Variants in USP32 observed in about 807,000 individuals in gnomAD.
The protein encoded by USP32 is ubiquitin specific peptidase 32.
A neutral mutation model predicts 204.8 loss-of-function variants in USP32; 59 were observed. The observed-to-expected ratio is 0.29, with a 90% CI of 0.23 to 0.36. USP32 has a LOEUF of 0.36. USP32 is among the 10% of genes least tolerant of loss of function. The pLI, the probability that USP32 is intolerant of heterozygous loss-of-function variation, is 1.00. For synonymous variants in USP32, 517 were observed against 678.4 expected, an observed-to-expected ratio of 0.76 and a Z score of 3.70; for missense variants, 1,160 against 1,946.4, an observed-to-expected ratio of 0.60 and a Z score of 7.60.
chr17:60,192,551 C>CA (rs2084412791), intron 28 of USP32, among the ~76,000 whole-genome samples: 1 of 152,118 alleles, frequency 6.6e-6, no homozygotes, highest in Non-Finnish European at 1.5e-5. Context: ...TCTCCTGCCT[C>CA]AGTCTCCCAA....
chr17:60,259,295 C>T (rs573644014), intron 9 of USP32, among the ~76,000 whole-genome samples: 6 of 152,116 alleles, frequency 3.9e-5, no homozygotes, highest in Non-Finnish European at 7.3e-5. Flanking sequence ...GAAGAAGTCA[C>T]TATTTTTCAC....
intron 11 of USP32, among the ~76,000 whole-genome samples, chr17:60,248,196 A>G (rs1459006419): frequency 2.6e-5 from 4 of 152,268 alleles, no homozygotes; most frequent in Non-Finnish European, 2.9e-5. Context: ...ACTTTCTCAT[A>G]TCACTGCACA....
intron 26 of USP32, among the ~76,000 whole-genome samples, chr17:60,198,777 G>C (rs1381351203): frequency 6.6e-6 from 1 of 152,182 alleles, no homozygotes; most frequent in Admixed American, 6.5e-5. Context: ...TAGCTTCATA[G>C]CTAAGGGCTT....
At chr17:60,381,643 T>C (rs895494794) in intron 1 of USP32, among the ~76,000 whole-genome samples, 1 of 152,200 alleles carries the variant, frequency 6.6e-6, no homozygotes. Context: ...GTAGTTTCTA[T>C]GATTTGGTCC....
chr17:60,289,549 A>G (rs1053193891), intron 4 of USP32, among the ~76,000 whole-genome samples: 1 of 152,220 alleles, frequency 6.6e-6, no homozygotes, highest in African/African-American at 2.4e-5. Flanking sequence ...AAAAGAAGCA[A>G]GTTGATTTCT....
intron 27 of USP32, 108 bp downstream of exon 27, chr17:60,198,152 G>A (rs1390942265): frequency 7.1e-7 from 1 of 1,417,390 alleles, no homozygotes; most frequent in Admixed American, 2.4e-5. Flanking sequence ...GTTCTTCCAA[G>A]AGTGATTAAC....
At position 60,185,595 on chromosome 17, in the gene USP32, G is replaced by A; in HGVS notation, c.3699C>T (p.Ile1233=). The A allele has an allele frequency of 1.2e-6, 2 of 1,611,970 alleles. No homozygotes were observed. The highest frequency in any genetic ancestry group is 1.7e-6 in the Non-Finnish European group (2 of 1,179,828). The change falls in exon 30 of 34, where the codon ATC becomes ATT. Residue 1233 remains isoleucine, a synonymous_variant. Transcript: ENST00000300896. The stretch of plus-strand genomic sequence containing the variant: ...AAGCACGGAGACAGCTGTCCAGGTT[G>A]ATGGGCTCGGCTTGCGCTCGCCGAC... ...EQSRRAQAEP[I]NLDSCLRAFT...
chr17:60,240,151 A>G (rs1281754905), intron 11 of USP32, among the ~76,000 whole-genome samples: 1 of 152,194 alleles, frequency 6.6e-6, no homozygotes, highest in East Asian at 1.9e-4. Flanking sequence ...TGCTTCCTCA[A>G]AGAGAATTTC....
chr17:60,316,785 G>A (rs900037827), intron 2 of USP32, among the ~76,000 whole-genome samples: 3 of 152,110 alleles, frequency 2.0e-5, no homozygotes, highest in East Asian at 3.9e-4. Flanking sequence ...AGGTTGCAGT[G>A]AGCAGAAATC....
intron 27 of USP32, among the ~76,000 whole-genome samples, chr17:60,196,270 C>CAAAAAAAAAAAAAAAAAAAAAAAAAAAAA (rs749074954): frequency 7.7e-6 from 1 of 129,224 alleles, no homozygotes; most frequent in African/African-American, 3.5e-5. Flanking sequence ...ATCCCCACGC[C>CAAAAAAAAAAAAAAAAAAAAAAAAAAAAA]AAAAAAAGAA....
At chr17:60,324,089 TG>T (rs2088174383) in intron 2 of USP32, among the ~76,000 whole-genome samples, 1 of 152,118 alleles carries the variant, frequency 6.6e-6, no homozygotes, top group Non-Finnish European at 1.5e-5. Flanking sequence ...AAGACCAACC[TG>T]GGCAACACAG....
chr17:60,300,446 A>G (rs2087545419), intron 3 of USP32, among the ~76,000 whole-genome samples: 1 of 152,216 alleles, frequency 6.6e-6, no homozygotes, highest in African/African-American at 2.4e-5. Context: ...CTCTCATTAT[A>G]GCATTTCCCT....
intron 12 of USP32, among the ~76,000 whole-genome samples, chr17:60,229,829 T>A (rs1240239686): frequency 6.6e-6 from 1 of 152,220 alleles, no homozygotes; most frequent in African/African-American, 2.4e-5. Context: ...TCCTTCTTTT[T>A]TTGAGACAGA....
Position 60,223,610 on chromosome 17 carries a change from A to T in USP32, c.1433-24T>A, listed in dbSNP as rs72843524. ...GCCTATAAAAAAAAAAGAGGATAGA[A>T]TCTCTTATTTTTAGTTATTATACAT... is the stretch of plus-strand genomic sequence containing the variant. On this transcript the variant is annotated intron_variant, in intron 13 of 33. Transcript: ENST00000300896. 15,594 of 1,571,352 alleles carry T rather than the reference A, an allele frequency of 9.9e-3. 92 individuals carry two copies. The highest frequency in any genetic ancestry group is 0.018 in the Middle Eastern group (104 of 5,802).
Position 60,380,764 on chromosome 17 carries a change from A to C in USP32, c.58+11118T>G, listed in dbSNP as rs189942256. Among the ~76,000 whole-genome samples, 1,249 of 152,268 alleles carry C rather than the reference A, an allele frequency of 8.2e-3. 5 individuals are homozygous for C. Among genetic ancestry groups the C allele is most frequent in the Non-Finnish European group, 0.013 (852 of 67,994 alleles). On this transcript the variant is annotated intron_variant, in intron 1 of 33. Transcript: ENST00000300896. ...CCAATGTACCCTATTCATACCCACT[A>C]CTCATTTGCTATTTGAGAGAAATGT...
intron 26 of USP32, among the ~76,000 whole-genome samples, chr17:60,202,165 A>G (rs981011132): frequency 4.6e-5 from 7 of 152,156 alleles, no homozygotes; most frequent in African/African-American, 1.2e-4. Context: ...TGAGAAAACT[A>G]TCTTTCTCTC....
intron 1 of USP32, among the ~76,000 whole-genome samples, chr17:60,403,952 G>A (rs1428228277): frequency 2.0e-5 from 3 of 151,352 alleles, no homozygotes; most frequent in African/African-American, 7.3e-5. Context: ...GAAGTAAGAG[G>A]ATTGCTTGAG....
intron 1 of USP32, among the ~76,000 whole-genome samples, chr17:60,403,016 C>G (rs1209339049): frequency 6.6e-6 from 1 of 151,450 alleles, no homozygotes; most frequent in African/African-American, 2.4e-5. Flanking sequence ...TAAGCCGTAT[C>G]TCTGTTTTTT....
chr17:60,222,682 T>TTA, intron 14 of USP32, 133 bp from the exon 15 acceptor site: 1 of 794,970 alleles, frequency 1.3e-6, no homozygotes, highest in Non-Finnish European at 1.9e-6. Flanking sequence ...ACTTAATTTT[T>TTA]TTTTTTTTTT....
Sources: allele counts gnomAD v4.1 joint callset (sites outside exome capture counted in the v4.1 genomes callset), GRCh38; gene constraint gnomAD v4.1.1; transcripts MANE v1.5; gene names NCBI Gene and HGNC (gene_info 2026-07-23, HGNC 2026-07-21).